Variants in MACF1 observed in about 807,000 individuals in gnomAD.
MACF1 encodes the protein microtubule actin crosslinking factor 1.
In MACF1, 193 loss-of-function variants were observed where a neutral mutation model predicts 854.8. The observed-to-expected ratio is 0.23, with a 90% CI of 0.20 to 0.25. The LOEUF is 0.25. MACF1 is among the 10% of genes least tolerant of loss of function. The pLI, the probability that MACF1 is intolerant of heterozygous loss-of-function variation, is 1.00. For synonymous variants in MACF1, 3,185 were observed against 3,226.7 expected, an observed-to-expected ratio of 0.99 and a Z score of 0.44; for missense variants, 7,722 against 8,929.1, an observed-to-expected ratio of 0.86 and a Z score of 5.45.
At chr1:39,309,076 C>G (rs971287353) in intron 23 of MACF1, among the ~76,000 whole-genome samples, 4 of 152,114 alleles carry the variant, frequency 2.6e-5, no homozygotes, top group Non-Finnish European at 4.4e-5. Context: ...TTCAACAATT[C>G]TGGATGGGAT....
chr1:39,294,593 T>C (rs923091853), intron 18 of MACF1, among the ~76,000 whole-genome samples: 5 of 152,224 alleles, frequency 3.3e-5, no homozygotes, highest in Non-Finnish European at 7.3e-5. Context: ...TAAGGATCAG[T>C]ATCCAGCTTC....
At chr1:39,152,318 G>T (rs568125308) in intron 2 of MACF1, among the ~76,000 whole-genome samples, 1 of 152,232 alleles carries the variant, frequency 6.6e-6, no homozygotes, top group African/African-American at 2.4e-5. Context: ...GTGAATTGCT[G>T]TTTCAAAAGG....
intron 2 of MACF1, among the ~76,000 whole-genome samples, chr1:39,145,958 A>C (rs1212467735): frequency 6.6e-6 from 1 of 152,214 alleles, no homozygotes; most frequent in Non-Finnish European, 1.5e-5. Context: ...TACAACCACT[A>C]TGGAGAATGG....
chr1:39,084,433 T>C lies in MACF1; in HGVS notation c.215T>C (p.Val72Ala). ...CCTGCAGAGCGTGCTGTGGTCAGAG[T>C]CGCTGGTAAGAGAGGTCCCCCAGCA... The change falls in exon 2 of 94, where the codon GTC becomes GCC. Residue 72 changes from valine to alanine, a missense_variant. By Grantham distance (64) the Val-to-Ala change is moderately conservative (BLOSUM62 0). Transcript: ENST00000361689. The surrounding 1 kb of genome is among the most constrained non-coding windows in gnomAD (Gnocchi z 5.2). 1.2e-6 allele frequency: 2 copies of C among 1,607,692 alleles called. No homozygotes were observed. Among genetic ancestry groups the C allele is most frequent in the Non-Finnish European group, 8.5e-7 (1 of 1,179,602 alleles).
At chr1:39,164,584 T>G (rs1199607700) in intron 2 of MACF1, among the ~76,000 whole-genome samples, 1 of 152,200 alleles carries the variant, frequency 6.6e-6, no homozygotes, top group Non-Finnish European at 1.5e-5. Context: ...TTTAAATAGC[T>G]TCATTGATCC....
chr1:39,481,610 G>A (rs1032621172), intron 99 of MACF1, among the ~76,000 whole-genome samples: 1 of 152,230 alleles, frequency 6.6e-6, no homozygotes, highest in Non-Finnish European at 1.5e-5. Flanking sequence ...AGGCACTTGA[G>A]TTTCTGTAGC....
At chr1:39,263,766 TTTTTC>T (rs1208963368) in intron 6 of MACF1, among the ~76,000 whole-genome samples, 11 of 102,026 alleles carry the variant, frequency 1.1e-4, no homozygotes, top group African/African-American at 1.2e-4. Flanking sequence ...TCTTTTTTCT[TTTTTC>T]TTTTTTTTTT....
chr1:39,465,294 G>A (rs1203031561), intron 95 of MACF1, among the ~76,000 whole-genome samples, 182 bp downstream of exon 95: 1 of 152,178 alleles, frequency 6.6e-6, no homozygotes, highest in African/African-American at 2.4e-5. Context: ...AGCAGCAAAA[G>A]AATATAAGTA....
At position 39,485,870 on chromosome 1, in the gene MACF1, G is replaced by A. The variant is rs946167725; in HGVS notation, c.*76G>A. The A allele has an allele frequency of 4.3e-6, 6 of 1,394,936 alleles. No individual in the cohort carries two copies. The highest frequency in any genetic ancestry group is 2.5e-5 in the East Asian group (1 of 39,838). 86.4% of individuals were successfully genotyped at this position (1,394,936 alleles called of 1,614,324 possible). On this transcript the variant is annotated 3_prime_UTR_variant, in exon 101 of 101. Transcript: ENST00000564288. ...CATTGGGTGTATATTTATTCTGAAC[G>A]GGAGAAGTTATATTGTTAAAAGTGT... is the stretch of plus-strand genomic sequence containing the variant.
chr1:39,085,257 G>A (rs1641643020), intron 2 of MACF1, among the ~76,000 whole-genome samples: 1 of 152,226 alleles, frequency 6.6e-6, no homozygotes. Context: ...ATAATGTGTG[G>A]AAAGCCCTTA....
intron 58 of MACF1, chr1:39,410,931 G>A (rs1292644443): frequency 6.2e-7 from 1 of 1,613,864 alleles, no homozygotes; most frequent in African/African-American, 1.3e-5. Context: ...TTAGATTTCA[G>A]CAGCACAGTG....
intron 58 of MACF1, chr1:39,411,940 G>C (rs1401318407): frequency 1.2e-6 from 2 of 1,613,864 alleles, no homozygotes; most frequent in Non-Finnish European, 8.5e-7. Context: ...TGCCCACGTT[G>C]ATATCATGAG....
At chr1:39,123,203 ATTTT>A (rs10585991) in intron 2 of MACF1, among the ~76,000 whole-genome samples, 2 of 111,908 alleles carry the variant, frequency 1.8e-5, no homozygotes, top group Non-Finnish European at 3.5e-5. Flanking sequence ...ATATATATAA[ATTTT>A]TTTTTTTTTT....
In MACF1 at chr1:39,460,679, T is replaced by C. The variant is rs1557666726; in HGVS notation, c.21408T>C (p.Tyr7136=). 1.2e-6 allele frequency: 2 copies of C among 1,614,230 alleles called. No individual in the cohort carries two copies. Among genetic ancestry groups the C allele is most frequent in the South Asian group, 1.1e-5 (1 of 91,088 alleles). ...ACTTTGATGTCTGGAGGAAAAAGTA[T>C]ATGCGTTGGATGAATCACAAAAAGT... ...NFDFDVWRKK[Y]MRWMNHKKSR... Residue 7136 remains tyrosine (Y), a synonymous_variant, in exon 92 of 101, where the codon TAT becomes TAC. Transcript: ENST00000564288. This position sits in a 1 kb window ranked among gnomAD's most constrained non-coding sequence, Gnocchi z 4.1.
At position 39,283,584 on chromosome 1, in the gene MACF1, C is replaced by G. The variant is rs931123586; in HGVS notation, c.915+69C>G. On this transcript the variant is annotated intron_variant, in intron 9 of 100. Coordinates refer to ENST00000564288, the MANE Select transcript of MACF1 (RefSeq NM_001394062.1). This position sits in a 1 kb window ranked among gnomAD's most constrained non-coding sequence, Gnocchi z 4.5. ...TTGGGTGAAATGCATTGGTTAGACA[C>G]TTTCTTAAGCACTTATGGTATACTC... is the stretch of plus-strand genomic sequence containing the variant. 41 of 1,077,068 alleles carry G rather than the reference C, an allele frequency of 3.8e-5. No individual in the cohort carries two copies. The African/African-American group carries it at 5.9e-4, about 16-fold the overall frequency. 66.7% of individuals were successfully genotyped at this position (1,077,068 alleles called of 1,614,324 possible).
Position 39,350,994 on chromosome 1 carries a change from C to T in MACF1, c.11175C>T (p.Ser3725=), listed in dbSNP as rs145670523. The change falls in exon 43 of 101, where the codon TCC becomes TCT. Residue 3725 remains serine, a synonymous_variant. Coordinates refer to ENST00000564288, the MANE Select transcript of MACF1 (RefSeq NM_001394062.1). ...AQKELEEAVT[S]ALQQETEKSK... is the part of the protein sequence containing the mutation. The stretch of plus-strand genomic sequence containing the variant: ...AGGAACTGGAGGAAGCAGTGACCTC[C>T]GCCTTACAGCAGGAGACTGAAAAGG... The T allele has an allele frequency of 7.4e-6, 12 of 1,613,918 alleles. No homozygotes were observed. Among genetic ancestry groups the T allele is most frequent in the Middle Eastern group, 1.6e-4 (1 of 6,082 alleles).
chr1:39,265,922 G>A (rs1256019986), intron 6 of MACF1, among the ~76,000 whole-genome samples: 2 of 152,164 alleles, frequency 1.3e-5, no homozygotes, highest in Admixed American at 6.5e-5. Context: ...CCAGTAAGTA[G>A]GTGGTAGTAT....
chr1:39,165,009 G>C (rs760867734), intron 2 of MACF1, among the ~76,000 whole-genome samples: 2 of 152,194 alleles, frequency 1.3e-5, no homozygotes, highest in Non-Finnish European at 2.9e-5. Context: ...GGACATCCTG[G>C]AGCAGATAAC....
chr1:39,090,403 G>A (rs1641774049), intron 2 of MACF1, among the ~76,000 whole-genome samples: 1 of 152,198 alleles, frequency 6.6e-6, no homozygotes, highest in Non-Finnish European at 1.5e-5. Context: ...CCAGCTCTTT[G>A]AAAGTAAATC....
Sources: gnomAD v4.1 joint callset for allele counts (sites outside exome capture counted in the v4.1 genomes callset) on GRCh38, gnomAD v4.1.1 for gene constraint, Gnocchi (gnomAD v3.1) non-coding constraint, MANE v1.5 for transcripts, NCBI Gene and HGNC (gene_info 2026-07-23, HGNC 2026-07-21) for gene names.